The following RSRP1 variants were observed in gnomAD, a reference collection of about 807,000 sequenced individuals.
RSRP1 encodes the protein arginine and serine rich protein 1.
Under a neutral mutation model 33.0 loss-of-function variants are expected in RSRP1, and 37 were observed. The ratio of observed to expected loss-of-function variants is 1.12; its 90% confidence interval spans 0.86 to 1.48. RSRP1 has a LOEUF of 1.48. Ranked by LOEUF, RSRP1 falls within the 40% of genes most tolerant of loss-of-function variation. RSRP1 has a pLI of 0.00. For missense variants in RSRP1, 402 were observed against 385.3 expected (o/e 1.04, Z -0.36); for synonymous variants, 167 against 158.7 (o/e 1.05, Z -0.40).
chr1:25,285,686 C>T (rs1452533366), intron 1 of RSRP1, among the ~76,000 whole-genome samples: 1 of 135,220 alleles, frequency 7.4e-6, no homozygotes, highest in Non-Finnish European at 1.8e-5. Context: ...CTATGTTCAC[C>T]TGGGTGATGA....
At position 25,269,594 on chromosome 1, in the gene RSRP1, T is replaced by G. The variant is rs1268007773; in HGVS notation, c.-66-22565A>C. ...CATTTTACTGTATTTGGTTTTTGACTTATCTATCCTAGATCCCTTGTGCTT... is the reference window on the plus strand; with the variant it reads ...CATTTTACTGTATTTGGTTTTTGACGTATCTATCCTAGATCCCTTGTGCTT... On this transcript the variant is annotated intron_variant, in intron 1 of 1. Transcript: ENST00000561867. Among the ~76,000 whole-genome samples the G allele has an allele frequency of 2.9e-4, 39 of 133,180 alleles. 6 individuals carry two copies. Among genetic ancestry groups the G allele is most frequent in the African/African-American group, 7.7e-4 (30 of 39,104 alleles). The allele number at this position is 133,180 out of a possible 152,430, so 87.4% of individuals were successfully genotyped here.
rs1471697978 is a variant in RSRP1, at chr1:25,306,168, T to C, written c.-67+31810A>G. ...CATCTTACAATGTCTGGAGGCGTTC[T>C]TGGTTGACACAGTGGGGTGAGGGCT... On this transcript the variant is annotated intron_variant, in intron 1 of 1. Transcript: ENST00000561867. Among the ~76,000 whole-genome samples, 4 of 131,772 alleles carry C rather than the reference T, an allele frequency of 3.0e-5. 2 individuals carry two copies. The highest frequency in any genetic ancestry group is 7.2e-5 in the Non-Finnish European group (4 of 55,770). 86.4% of individuals were successfully genotyped at this position (131,772 alleles called of 152,430 possible).
rs189919380 is a variant in RSRP1 at position 25,282,997 on chromosome 1, A to C, written c.-66-35968T>G. On this transcript the variant is annotated intron_variant, in intron 1 of 1. Coordinates refer to the RSRP1 transcript ENST00000561867. ...AGAGACAATATTAATGACGGAAAAAAAATTCTTCAAGATCTCTCTCTCTCC... is the reference window on the plus strand; with the variant it reads ...AGAGACAATATTAATGACGGAAAAACAATTCTTCAAGATCTCTCTCTCTCC... 3.0e-5 allele frequency among the ~76,000 whole-genome samples: 4 copies of C among 133,256 alleles called. No individual in the cohort carries two copies. The East Asian group carries it at 7.8e-4, about 26-fold the overall frequency. The allele number at this position is 133,256 out of a possible 152,430, so 87.4% of individuals were successfully genotyped here.
chr1:25,290,195 A>G lies in RSRP1; in HGVS notation c.-66-43166T>C, dbSNP rs1416908210. Among the ~76,000 whole-genome samples, 2 of 129,934 alleles carry G rather than the reference A, an allele frequency of 1.5e-5. 1 individual carries two copies. The highest frequency in any genetic ancestry group is 3.6e-5 in the Non-Finnish European group (2 of 55,300). 85.2% of individuals were successfully genotyped at this position (129,934 alleles called of 152,430 possible). On this transcript the variant is annotated intron_variant, in intron 1 of 1. Transcript: ENST00000561867. Reference sequence around the variant, plus strand: ...CGGAGAGAAGGGACAGTGGCCCCAGATGGGGATGGGGTGACTGGATGTGGG... The same window carrying G: ...CGGAGAGAAGGGACAGTGGCCCCAGGTGGGGATGGGGTGACTGGATGTGGG...
intron 1 of RSRP1, among the ~76,000 whole-genome samples, chr1:25,282,990 G>A (rs1279735833): frequency 7.6e-6 from 1 of 131,754 alleles, no homozygotes; most frequent in Non-Finnish European, 1.8e-5. Flanking sequence ...TATTAATGAC[G>A]GAAAAAAAAT....
rs1438964062 is a variant in RSRP1 at position 25,329,293 on chromosome 1, A to G, written c.-67+8685T>C. 99 of 449,324 alleles carry G rather than the reference A, an allele frequency of 2.2e-4. 13 individuals are homozygous for G. Among genetic ancestry groups the G allele is most frequent in the Non-Finnish European group, 3.4e-4 (87 of 258,164 alleles). The allele number at this position is 449,324 out of a possible 1,614,324, so 27.8% of individuals were successfully genotyped here. On this transcript the variant is annotated intron_variant, in intron 1 of 1. Coordinates refer to the RSRP1 transcript ENST00000561867. ...GTAGTCTTACTCTGTCACCCAGGCT[A>G]GAGTGCAATGGCACCATCTTGGCTC...
In RSRP1 at chr1:25,288,259, C is replaced by G. The variant is rs1161132701; in HGVS notation, c.-66-41230G>C. Among the ~76,000 whole-genome samples, 2 of 131,452 alleles carry G rather than the reference C, an allele frequency of 1.5e-5. 1 individual carries two copies. Among genetic ancestry groups the G allele is most frequent in the Non-Finnish European group, 3.6e-5 (2 of 55,594 alleles). The allele number at this position is 131,452 out of a possible 152,430, so 86.2% of individuals were successfully genotyped here. ...TCTCAAACTCCTGGGCTCAAGTGAT[C>G]TGCCCACCTCGGCTCTGAAAAGTAC... On this transcript the variant is annotated intron_variant, in intron 1 of 1. Coordinates refer to the RSRP1 transcript ENST00000561867.
chr1:25,300,401 A>T (rs1458159973), intron 1 of RSRP1, among the ~76,000 whole-genome samples: 1 of 129,466 alleles, frequency 7.7e-6, no homozygotes, highest in Non-Finnish European at 1.8e-5. Context: ...AATCCCAGCT[A>T]CTCAGGAGGC....
chr1:25,292,548 G>A (rs1642601941), intron 1 of RSRP1, among the ~76,000 whole-genome samples: 1 of 131,410 alleles, frequency 7.6e-6, no homozygotes, highest in Non-Finnish European at 1.8e-5. Flanking sequence ...CTCAGCGGCT[G>A]CTGGTGCCAT....
chr1:25,338,224 A>T (rs886275336), upstream of RSRP1: 4 of 152,148 alleles, frequency 2.6e-5, no homozygotes, highest in Non-Finnish European at 5.9e-5. Flanking sequence ...CCCTGAACCC[A>T]GCGCCCGGGC....
At chr1:25,260,773 G>A (rs1016679517) in intron 1 of RSRP1, among the ~76,000 whole-genome samples, 3 of 151,064 alleles carry the variant, frequency 2.0e-5, no homozygotes, top group Non-Finnish European at 4.4e-5. Flanking sequence ...CCTGTCCTCT[G>A]CTTTTACACT....
chr1:25,332,051 T>C (rs1645023799), intron 1 of RSRP1, among the ~76,000 whole-genome samples: 1 of 122,482 alleles, frequency 8.2e-6, no homozygotes. Flanking sequence ...ATTTTTTTTT[T>C]TTTTTTTGAG....
At chr1:25,336,855 T>C (rs1301125077) in intron 1 of RSRP1, among the ~76,000 whole-genome samples, 1 of 131,544 alleles carries the variant, frequency 7.6e-6, no homozygotes, top group African/African-American at 4.4e-5. Context: ...CTATAGATTG[T>C]CATGCAGTTT....
chr1:25,332,417 G>A lies in RSRP1; in HGVS notation c.-67+5561C>T, dbSNP rs1214285082. The stretch of plus-strand genomic sequence containing the variant: ...AGCTATGTCTATTGAGCACTCAAGC[G>A]TATTCTAGAAACTGTTCCTGATTCT... On this transcript the variant is annotated intron_variant, in intron 1 of 1. Transcript: ENST00000561867. 2.0e-4 allele frequency among the ~76,000 whole-genome samples: 26 copies of A among 131,662 alleles called. 5 individuals are homozygous for A. Among genetic ancestry groups the A allele is most frequent in the African/African-American group, 4.1e-4 (16 of 38,598 alleles). The allele number at this position is 131,662 out of a possible 152,430, so 86.4% of individuals were successfully genotyped here. A position where few individuals can be genotyped will look rare whatever the true frequency, so the allele number is the denominator to read the frequency against.
Position 25,301,089 on chromosome 1 carries a change from G to C in RSRP1, c.-67+36889C>G, listed in dbSNP as rs766149800. 1.5e-6 allele frequency: 2 copies of C among 1,376,134 alleles called. 1 individual carries two copies. 85.2% of individuals were successfully genotyped at this position (1,376,134 alleles called of 1,614,324 possible). ...CAACGATACCCAGTTTGTCTGCCAT[G>C]CTGGGTAAGGACAAGGTGGGGTGAG... On this transcript the variant is annotated intron_variant, in intron 1 of 1. Coordinates refer to the RSRP1 transcript ENST00000561867.
At chr1:25,251,054 G>C (rs961959404), upstream of RSRP1, among the ~76,000 whole-genome samples, 1 of 151,888 alleles carries the variant, frequency 6.6e-6, no homozygotes, top group Non-Finnish European at 1.5e-5. Flanking sequence ...AGAAATGTAG[G>C]GGCTTATGTG....
intron 1 of RSRP1, among the ~76,000 whole-genome samples, chr1:25,261,814 C>T (rs1046659817): frequency 2.8e-4 from 41 of 148,736 alleles, no homozygotes; most frequent in African/African-American, 9.8e-4. Context: ...CATGTTCAAG[C>T]GATTCTCCCA....
intron 1 of RSRP1, chr1:25,268,060 G>T (rs1640376282): frequency 7.5e-6 from 1 of 133,358 alleles, no homozygotes; most frequent in Admixed American, 7.2e-5. Flanking sequence ...AAAATGATTG[G>T]GTCCGTGATT....
chr1:25,321,201 G>A (rs1484040485), intron 1 of RSRP1, among the ~76,000 whole-genome samples: 1 of 129,598 alleles, frequency 7.7e-6, no homozygotes, highest in East Asian at 2.0e-4. Context: ...ACCTATAGGA[G>A]CACCCAATTG....
Sources: allele counts gnomAD v4.1 joint callset (sites outside exome capture counted in the v4.1 genomes callset), GRCh38; gene constraint gnomAD v4.1.1; transcripts MANE v1.5; gene names NCBI Gene and HGNC (gene_info 2026-07-23, HGNC 2026-07-21).